The following RAB38 variants were observed in gnomAD, a reference collection of about 807,000 sequenced individuals.
The protein encoded by RAB38 is ras-related protein Rab-38.
RAB38 carries 15 observed loss-of-function variants against 18.4 expected under a neutral mutation model. The ratio of observed to expected loss-of-function variants is 0.82; its 90% CI spans 0.55 to 1.26. The LOEUF (loss-of-function observed/expected upper bound fraction) is 1.26. Ranked by LOEUF, RAB38 falls within the 50% of genes most tolerant of loss-of-function variation. The pLI is 0.00. For missense variants in RAB38, 294 were observed against 267.4 expected (o/e 1.10, Z -0.69); for synonymous variants, 101 against 104.4 (o/e 0.97, Z 0.20).
At chr11:87,822,328 A>C in the RAB38 span, among the ~76,000 whole-genome samples, 2 of 152,244 alleles carry the variant, frequency 1.3e-5, no homozygotes, top group Admixed American at 6.5e-5. Context: ...TGTATTAGAT[A>C]ATGATTGCTA....
the RAB38 span, among the ~76,000 whole-genome samples, chr11:88,068,023 T>C: frequency 6.8e-6 from 1 of 147,512 alleles, no homozygotes; most frequent in Non-Finnish European, 1.5e-5. Context: ...TTTATATATA[T>C]ATAACAAAAA....
At chr11:87,976,845 T>C in the RAB38 span, among the ~76,000 whole-genome samples, 4 of 110,538 alleles carry the variant, frequency 3.6e-5, 1 homozygote, top group Non-Finnish European at 5.1e-5. Flanking sequence ...ATATATATTG[T>C]GTTATATAAT....
At chr11:88,153,153 A>G (rs1943083515) in intron 1 of RAB38, among the ~76,000 whole-genome samples, 1 of 152,252 alleles carries the variant, frequency 6.6e-6, no homozygotes, top group African/African-American at 2.4e-5. Flanking sequence ...CTTACTGGTT[A>G]CCAGAACAGG....
the RAB38 span, among the ~76,000 whole-genome samples, chr11:87,972,043 G>A: frequency 9.9e-5 from 15 of 151,880 alleles, no homozygotes; most frequent in Admixed American, 3.9e-4. Flanking sequence ...CACAGAAGAT[G>A]GAAACTTTCC....
At chr11:87,851,859 C>T in the RAB38 span, among the ~76,000 whole-genome samples, 4 of 152,188 alleles carry the variant, frequency 2.6e-5, no homozygotes, top group African/African-American at 9.6e-5. Context: ...TTTAGGGTCT[C>T]TAGCTGGGTC....
chr11:87,962,698 A>G, the RAB38 span, among the ~76,000 whole-genome samples: 1 of 152,192 alleles, frequency 6.6e-6, no homozygotes, highest in Non-Finnish European at 1.5e-5. Context: ...TAGCACTGAG[A>G]CGTCCCTGAA....
At chr11:88,035,225 GAATA>G in the RAB38 span, among the ~76,000 whole-genome samples, 6 of 152,112 alleles carry the variant, frequency 3.9e-5, no homozygotes, top group African/African-American at 9.6e-5. Flanking sequence ...GTCTTTTGAT[GAATA>G]AAGTTTTTAA....
the RAB38 span, among the ~76,000 whole-genome samples, chr11:87,901,719 G>A: frequency 2.0e-5 from 3 of 151,500 alleles, no homozygotes; most frequent in Admixed American, 1.3e-4. Flanking sequence ...TGCAATCACC[G>A]GAGCTGTGCT....
At chr11:87,865,414 G>T in the RAB38 span, among the ~76,000 whole-genome samples, 1 of 151,640 alleles carries the variant, frequency 6.6e-6, no homozygotes, top group Non-Finnish European at 1.5e-5. Context: ...TATACTCCTG[G>T]CTTTGAAGAT....
the RAB38 span, among the ~76,000 whole-genome samples, chr11:87,888,110 G>A: frequency 1.3e-5 from 2 of 151,796 alleles, no homozygotes; most frequent in African/African-American, 2.4e-5. Context: ...TTTTTCAGAA[G>A]ACTACTAGGA....
the RAB38 span, among the ~76,000 whole-genome samples, chr11:87,807,223 G>A: frequency 2.0e-5 from 3 of 152,158 alleles, no homozygotes; most frequent in African/African-American, 7.2e-5. Context: ...CTCTGGTGCC[G>A]AAAAGGTTGG....
At chr11:87,947,463 C>G in the RAB38 span, among the ~76,000 whole-genome samples, 1 of 152,146 alleles carries the variant, frequency 6.6e-6, no homozygotes, top group Admixed American at 6.5e-5. Context: ...AGTCCTTCCC[C>G]ATGCCTATGT....
At chr11:87,820,357 CT>C in the RAB38 span, among the ~76,000 whole-genome samples, 1 of 152,186 alleles carries the variant, frequency 6.6e-6, no homozygotes, top group African/African-American at 2.4e-5. Context: ...CCAATAAAAT[CT>C]TTCTTAGTGT....
the RAB38 span, among the ~76,000 whole-genome samples, chr11:87,976,820 C>G: frequency 1.5e-5 from 1 of 64,756 alleles, no homozygotes; most frequent in African/African-American, 7.1e-5. Context: ...ATATATTATA[C>G]AATGTATAAT....
the RAB38 span, among the ~76,000 whole-genome samples, chr11:87,855,433 A>G: frequency 6.6e-6 from 1 of 152,166 alleles, no homozygotes; most frequent in Admixed American, 6.5e-5. Context: ...TCAACTCAGA[A>G]CAGTGGCGAT....
At chr11:87,842,518 T>C in the RAB38 span, among the ~76,000 whole-genome samples, 1,238 of 152,266 alleles carry the variant, frequency 8.1e-3, 23 homozygotes, top group African/African-American at 0.028. Flanking sequence ...TCAACAACTA[T>C]TAATTAGTAT....
the RAB38 span, among the ~76,000 whole-genome samples, chr11:87,887,746 G>A: frequency 2.0e-5 from 3 of 151,824 alleles, no homozygotes; most frequent in African/African-American, 4.8e-5. Context: ...AAGGAAAAAG[G>A]CAAATTCATG....
At chr11:88,144,858 C>A (rs1336390194) in intron 2 of RAB38, among the ~76,000 whole-genome samples, 1 of 152,000 alleles carries the variant, frequency 6.6e-6, no homozygotes, top group African/African-American at 2.4e-5. Flanking sequence ...TGCATAGGTA[C>A]AACTTGCTCC....
intron 2 of RAB38, among the ~76,000 whole-genome samples, chr11:88,130,239 C>A (rs35880649): frequency 2.3e-3 from 350 of 152,118 alleles, no homozygotes; most frequent in African/African-American, 8.0e-3. Flanking sequence ...CTAAAAGAAG[C>A]TAGTTTGACT....
Sources: gnomAD v4.1 joint callset for allele counts (sites outside exome capture counted in the v4.1 genomes callset) on GRCh38, gnomAD v4.1.1 for gene constraint, MANE v1.5 for transcripts, NCBI Gene and HGNC (gene_info 2026-07-23, HGNC 2026-07-21) for gene names.